KPNA1: variants seen among roughly 807,000 people sequenced by gnomAD.
KPNA1 encodes the protein karyopherin subunit alpha 1.
KPNA1 carries 10 observed loss-of-function variants against 70.5 expected under a neutral mutation model. The observed-to-expected ratio is 0.14, with a 90% CI of 0.09 to 0.24. KPNA1 has a LOEUF of 0.24. KPNA1 is among the 10% of genes least tolerant of loss of function. KPNA1 has a pLI of 1.00. For missense variants in KPNA1, 397 were observed against 637.9 expected, an observed-to-expected ratio of 0.62 and a Z score of 4.07; for synonymous variants, 192 against 221.9, an observed-to-expected ratio of 0.87 and a Z score of 1.20.
chr3:122,491,448 T>G (rs1576337834), intron 2 of KPNA1, among the ~76,000 whole-genome samples: 1 of 152,226 alleles, frequency 6.6e-6, no homozygotes, highest in Admixed American at 6.5e-5. Flanking sequence ...ATGTTATTAA[T>G]GCAGTGATAA....
chr3:122,436,360 A>G (rs2075988011), intron 11 of KPNA1, among the ~76,000 whole-genome samples: 1 of 152,224 alleles, frequency 6.6e-6, no homozygotes, highest in African/African-American at 2.4e-5. Context: ...TGCCTTGTGA[A>G]GTATGTGATC....
At chr3:122,437,470 A>T (rs1199461490) in intron 10 of KPNA1, among the ~76,000 whole-genome samples, 175 bp from the exon 11 acceptor site, 1 of 152,242 alleles carries the variant, frequency 6.6e-6, no homozygotes, top group Non-Finnish European at 1.5e-5. Flanking sequence ...TTCTAAGAGT[A>T]TCAGTACAGT....
chr3:122,506,740 T>C (rs1187232871), intron 1 of KPNA1, among the ~76,000 whole-genome samples: 2 of 152,218 alleles, frequency 1.3e-5, no homozygotes, highest in African/African-American at 4.8e-5. Flanking sequence ...TGTTTTCCTT[T>C]GAGAGGTTTA....
chr3:122,469,783 CA>C (rs569817389), intron 2 of KPNA1, among the ~76,000 whole-genome samples: 175 of 152,174 alleles, frequency 1.1e-3, no homozygotes, highest in Non-Finnish European at 6.5e-4. Context: ...TCCTAAAAGA[CA>C]AGGGTAAAAA....
Position 122,451,582 on chromosome 3 carries a change from A to C in KPNA1, c.705T>G (p.Ala235=). The change falls in exon 8 of 14, where the codon GCT becomes GCG. Residue 235 remains alanine (A), a synonymous_variant. Transcript: ENST00000344337. The part of the protein sequence containing the change: ...RLTMTRNAVW[A]LSNLCRGKSP... ...TTTTCCCTCTACAGAGATTAGACAAAGCCCATACTGCATTCCGGGTCATGG... is the reference window on the plus strand; with the variant it reads ...TTTTCCCTCTACAGAGATTAGACAACGCCCATACTGCATTCCGGGTCATGG... The C allele has an allele frequency of 6.2e-7, 1 of 1,614,056 alleles. No homozygotes were observed. Among genetic ancestry groups the C allele is most frequent in the Non-Finnish European group, 8.5e-7 (1 of 1,179,976 alleles).
intron 12 of KPNA1, among the ~76,000 whole-genome samples, chr3:122,431,177 T>G (rs2075900863): frequency 6.6e-6 from 1 of 152,248 alleles, no homozygotes; most frequent in Non-Finnish European, 1.5e-5. Flanking sequence ...TTTTATCTTT[T>G]GAGACAGAGT....
chr3:122,503,907 A>C (rs1368959229), intron 1 of KPNA1, among the ~76,000 whole-genome samples: 2 of 152,196 alleles, frequency 1.3e-5, no homozygotes, highest in African/African-American at 2.4e-5. Context: ...AAAACCAGAA[A>C]CAAACAAACA....
intron 1 of KPNA1, among the ~76,000 whole-genome samples, chr3:122,504,753 C>T (rs1231697275): frequency 6.6e-6 from 1 of 152,138 alleles, no homozygotes; most frequent in African/African-American, 2.4e-5. Flanking sequence ...AAGTTTCACT[C>T]CTTTCACTCT....
intron 8 of KPNA1, among the ~76,000 whole-genome samples, chr3:122,450,108 G>A (rs1436562870): frequency 1.3e-5 from 2 of 152,046 alleles, no homozygotes; most frequent in African/African-American, 2.4e-5. Flanking sequence ...AAAATGCTAA[G>A]GTTTTGTTCA....
At chr3:122,466,195 G>C (rs1316460148) in intron 3 of KPNA1, among the ~76,000 whole-genome samples, 1 of 151,320 alleles carries the variant, frequency 6.6e-6, no homozygotes, top group Non-Finnish European at 1.5e-5. Context: ...TCTATGAAAT[G>C]AAATAAAAAT....
chr3:122,478,648 G>A (rs2076533387), intron 2 of KPNA1, among the ~76,000 whole-genome samples: 1 of 151,236 alleles, frequency 6.6e-6, no homozygotes, highest in African/African-American at 2.4e-5. Flanking sequence ...CTTGAACTGG[G>A]ACCCAGGAGG....
At chr3:122,450,563 C>G in intron 8 of KPNA1, among the ~76,000 whole-genome samples, 1 of 152,112 alleles carries the variant, frequency 6.6e-6, no homozygotes, top group East Asian at 1.9e-4. Flanking sequence ...GCCTGGGCAA[C>G]AAGAGCAAAA....
At chr3:122,438,837 T>G (rs1378066222) in intron 10 of KPNA1, among the ~76,000 whole-genome samples, 1 of 152,166 alleles carries the variant, frequency 6.6e-6, no homozygotes, top group Non-Finnish European at 1.5e-5. Flanking sequence ...AAAGACTGTA[T>G]GTATGAGCAT....
At chr3:122,475,474 C>G (rs2076486787) in intron 2 of KPNA1, among the ~76,000 whole-genome samples, 1 of 152,178 alleles carries the variant, frequency 6.6e-6, no homozygotes, top group Non-Finnish European at 1.5e-5. Flanking sequence ...ATTCCAATGA[C>G]ATTTCTCACA....
intron 6 of KPNA1, among the ~76,000 whole-genome samples, chr3:122,453,631 G>A (rs550084420): frequency 6.6e-6 from 1 of 152,148 alleles, no homozygotes; most frequent in African/African-American, 2.4e-5. Context: ...CCACCTCTCG[G>A]GTTCAAGCAA....
In KPNA1 at chr3:122,496,425, T is replaced by C. The variant is rs372656883; in HGVS notation, c.129+12A>G. The C allele has an allele frequency of 2.2e-5, 35 of 1,610,072 alleles. No homozygotes were observed. Among genetic ancestry groups the C allele is most frequent in the Non-Finnish European group, 2.9e-5 (34 of 1,177,956 alleles). ...ATTCTTTAAAAGAAATGAATAAAGG[T>C]AAAGGATTTACCTGCTCTTCTCTTT... On this transcript the variant is annotated intron_variant, in intron 2 of 13. Transcript: ENST00000344337.
intron 1 of KPNA1, chr3:122,514,405 C>A (rs989544038): frequency 2.7e-5 from 4 of 150,390 alleles, no homozygotes; most frequent in Non-Finnish European, 6.0e-5. Context: ...GGCGCAGGCT[C>A]CGCGCTCGCC....
chr3:122,462,213 G>GCAA (rs914821762), intron 4 of KPNA1, among the ~76,000 whole-genome samples: 1 of 147,616 alleles, frequency 6.8e-6, no homozygotes, highest in African/African-American at 2.5e-5. Context: ...GTCAGAATAG[G>GCAA]CAACAACAAC....
At chr3:122,514,282 G>A (rs58976058) in intron 1 of KPNA1, among the ~76,000 whole-genome samples, 14,244 of 151,920 alleles carry the variant, frequency 0.094, 1,550 homozygotes, top group African/African-American at 0.26. Context: ...GAATTCCCAA[G>A]ACGGTCCCTT....
Sources: gnomAD v4.1 joint callset for allele counts (sites outside exome capture counted in the v4.1 genomes callset) on GRCh38, gnomAD v4.1.1 for gene constraint, MANE v1.5 for transcripts, NCBI Gene and HGNC (gene_info 2026-07-23, HGNC 2026-07-21) for gene names.